ASIC2: variants seen among roughly 807,000 people sequenced by gnomAD.
ASIC2 encodes acid-sensing ion channel 2.
In ASIC2, 25 loss-of-function variants were observed where a neutral mutation model predicts 57.3. The observed-to-expected ratio is 0.44, with a 90% CI of 0.32 to 0.61. The LOEUF (loss-of-function observed/expected upper bound fraction) is 0.61, where lower values mean the gene tolerates loss of function less well. Among genes scored for constraint, ASIC2 ranks in the 20% least tolerant of loss-of-function variants. The probability of loss-of-function intolerance (pLI) is 0.06; values close to 1 mark genes in which losing one functional copy is unlikely to be tolerated. For missense variants in ASIC2, 641 were observed against 738.1 expected (o/e 0.87, Z 1.52); for synonymous variants, 319 against 307.5 (o/e 1.04, Z -0.39).
intron 1 of ASIC2, among the ~76,000 whole-genome samples, chr17:33,676,324 A>T (rs900479043): frequency 1.3e-5 from 2 of 152,236 alleles, no homozygotes; most frequent in Non-Finnish European, 2.9e-5. Flanking sequence ...CAAAAGCTAG[A>T]AATGATTATG....
intron 1 of ASIC2, among the ~76,000 whole-genome samples, chr17:33,342,801 C>T (rs1462367534): frequency 2.0e-5 from 3 of 152,158 alleles, no homozygotes; most frequent in African/African-American, 7.2e-5. Context: ...TCCACACCTC[C>T]TCATTCATTC....
In ASIC2 at chr17:33,014,017, A is replaced by G. The variant is rs777529136; in HGVS notation, c.1640T>C (p.Val547Ala). 6 of 1,606,026 alleles carry G rather than the reference A, an allele frequency of 3.7e-6. No individual in the cohort carries two copies. The highest frequency in any genetic ancestry group is 5.1e-6 in the Non-Finnish European group (6 of 1,176,120). The stretch of plus-strand genomic sequence containing the variant: ...CAGGGTCGTCTGCAGGGGCACGTTC[A>G]CAGTGTGACTGATGGTTTCAGAGTG... ...PNHSETISHT[V>A]NVPLQTTLGT... The change falls in exon 10 of 10, where the codon GTG becomes GCG. Residue 547 changes from valine (V) to alanine (A), a missense_variant. Coordinates refer to ENST00000225823, the MANE Select transcript of ASIC2 (RefSeq NM_183377.2).
intron 1 of ASIC2, among the ~76,000 whole-genome samples, chr17:33,995,519 A>G (rs1364966977): frequency 4.6e-5 from 7 of 152,072 alleles, no homozygotes; most frequent in Admixed American, 4.6e-4. Context: ...TTCTTATTTT[A>G]TTCTATTCCA....
intron 1 of ASIC2, among the ~76,000 whole-genome samples, chr17:33,570,127 C>A (rs1017528668): frequency 6.6e-6 from 1 of 152,232 alleles, no homozygotes; most frequent in Non-Finnish European, 1.5e-5. Context: ...GGGTGATCTA[C>A]CCCTTCTCTG....
intron 1 of ASIC2, among the ~76,000 whole-genome samples, chr17:33,400,231 C>T (rs1567848815): frequency 6.6e-6 from 1 of 152,146 alleles, no homozygotes; most frequent in African/African-American, 2.4e-5. Flanking sequence ...CTGAGGTTCT[C>T]TGTGTGTGAG....
chr17:34,128,344 G>A (rs1396184956), intron 1 of ASIC2, among the ~76,000 whole-genome samples: 2 of 152,144 alleles, frequency 1.3e-5, no homozygotes, highest in Non-Finnish European at 2.9e-5. Flanking sequence ...AGCCTCATAG[G>A]ACCTGGCAAA....
chr17:33,544,534 A>G lies in ASIC2; in HGVS notation c.556-432467T>C, dbSNP rs1251524380. On this transcript the variant is annotated intron_variant, in intron 1 of 9. Coordinates refer to the ASIC2 transcript ENST00000359872. ...ATTGCACTGAAGGTTTTGTTCAGCT[A>G]CATTTAAAAATGTTAGACTCAACAT... Among the ~76,000 whole-genome samples, 10 of 152,186 alleles carry G rather than the reference A, an allele frequency of 6.6e-5. 1 individual carries two copies. The highest frequency in any genetic ancestry group is 4.1e-4 in the South Asian group (2 of 4,822).
At chr17:33,241,715 C>T (rs1400565145) in intron 1 of ASIC2, among the ~76,000 whole-genome samples, 1 of 152,226 alleles carries the variant, frequency 6.6e-6, no homozygotes, top group African/African-American at 2.4e-5. Flanking sequence ...ACCCAGGACA[C>T]ATGCTCTATG....
intron 1 of ASIC2, among the ~76,000 whole-genome samples, chr17:33,196,273 G>C (rs1188840409): frequency 6.6e-6 from 1 of 152,152 alleles, no homozygotes; most frequent in East Asian, 1.9e-4. Flanking sequence ...TTTTAAAACT[G>C]TGCCCTTTCC....
At chr17:33,562,576 C>T (rs774318985) in intron 1 of ASIC2, among the ~76,000 whole-genome samples, 6 of 152,184 alleles carry the variant, frequency 3.9e-5, no homozygotes, top group Non-Finnish European at 7.3e-5. Context: ...GAGCACGTCA[C>T]ACTCTTGTGC....
intron 1 of ASIC2, among the ~76,000 whole-genome samples, chr17:33,781,864 G>A (rs750182584): frequency 2.6e-4 from 40 of 152,310 alleles, no homozygotes; most frequent in Non-Finnish European, 5.6e-4. Flanking sequence ...CTGTTCGTCA[G>A]AAATTCCTTT....
At chr17:33,151,081 C>A (rs1904771872) in intron 1 of ASIC2, among the ~76,000 whole-genome samples, 1 of 151,142 alleles carries the variant, frequency 6.6e-6, no homozygotes, top group Non-Finnish European at 1.5e-5. Context: ...ATAATCCCAG[C>A]ACTTTGGGAG....
chr17:34,110,522 C>T (rs1911232658), intron 1 of ASIC2, among the ~76,000 whole-genome samples: 2 of 152,202 alleles, frequency 1.3e-5, no homozygotes, highest in African/African-American at 4.8e-5. Context: ...AGCCCTGCTG[C>T]CCTGGGCTGT....
intron 1 of ASIC2, among the ~76,000 whole-genome samples, chr17:33,844,730 A>T (rs1435184411): frequency 1.3e-5 from 2 of 152,262 alleles, no homozygotes; most frequent in Non-Finnish European, 2.9e-5. Context: ...TCCAGCTGAC[A>T]GATATAAACT....
chr17:33,372,003 A>C (rs938716212), intron 1 of ASIC2, among the ~76,000 whole-genome samples: 1 of 152,058 alleles, frequency 6.6e-6, no homozygotes, highest in Non-Finnish European at 1.5e-5. Flanking sequence ...GGTGGTCACA[A>C]TACTGAGTGT....
intron 1 of ASIC2, among the ~76,000 whole-genome samples, chr17:33,579,471 A>G (rs969835946): frequency 1.3e-5 from 2 of 152,022 alleles, no homozygotes; most frequent in Admixed American, 6.6e-5. Flanking sequence ...TTCATTCAAC[A>G]TTCATTGAGA....
chr17:34,088,314 C>T (rs1470929807), intron 1 of ASIC2, among the ~76,000 whole-genome samples: 2 of 152,178 alleles, frequency 1.3e-5, no homozygotes, highest in Non-Finnish European at 2.9e-5. Context: ...CACTCCAGAC[C>T]CTGTTTGCCT....
intron 1 of ASIC2, among the ~76,000 whole-genome samples, chr17:33,827,480 C>G (rs1362859306): frequency 6.7e-6 from 1 of 148,966 alleles, no homozygotes; most frequent in South Asian, 2.1e-4. Flanking sequence ...TACAGGCGCC[C>G]GCCACCATGC....
At position 33,035,918 on chromosome 17, in the gene ASIC2, G is replaced by A. The variant is rs115425212; in HGVS notation, c.988-7526C>T. The stretch of plus-strand genomic sequence containing the variant: ...CTGGCAACCCTGAATACTGATTTCT[G>A]GTTTCTTAACTTAATGCCTGCTGAT... On this transcript the variant is annotated intron_variant, in intron 3 of 9. Coordinates refer to ENST00000225823, the MANE Select transcript of ASIC2 (RefSeq NM_183377.2). 7.5e-3 allele frequency among the ~76,000 whole-genome samples: 1,135 copies of A among 152,218 alleles called. 17 individuals are homozygous for A. The highest frequency in any genetic ancestry group is 0.026 in the African/African-American group (1,067 of 41,536).
Sources: gnomAD v4.1 joint callset for allele counts (sites outside exome capture counted in the v4.1 genomes callset) on GRCh38, gnomAD v4.1.1 for gene constraint, MANE v1.5 for transcripts, NCBI Gene and HGNC (gene_info 2026-07-23, HGNC 2026-07-21) for gene names.